KIF16B: variants seen among roughly 807,000 people sequenced by gnomAD.
The protein encoded by KIF16B is kinesin family member 16B.
In KIF16B, 98 loss-of-function variants were observed where a neutral mutation model predicts 156.3. The ratio of observed to expected loss-of-function variants is 0.63; its 90% CI spans 0.53 to 0.74. The LOEUF (loss-of-function observed/expected upper bound fraction) is 0.74, where lower values mean the gene tolerates loss of function less well. KIF16B is among the 30% of genes least tolerant of loss of function. The pLI, the probability that KIF16B is intolerant of heterozygous loss-of-function variation, is 0.00. For missense variants in KIF16B, 1,421 were observed against 1,606.5 expected, an observed-to-expected ratio of 0.88 and a Z score of 1.97; for synonymous variants, 564 against 583.7, an observed-to-expected ratio of 0.97 and a Z score of 0.49.
chr20:16,502,517 T>C (rs1185730258), intron 10 of KIF16B, among the ~76,000 whole-genome samples: 1 of 152,152 alleles, frequency 6.6e-6, no homozygotes, highest in Non-Finnish European at 1.5e-5. Context: ...TGAAATAGAC[T>C]TAACTGTCTT....
Position 16,504,354 on chromosome 20 carries a change from A to C in KIF16B, c.1176+18T>G, listed in dbSNP as rs1238656053. 4.3e-6 allele frequency: 7 copies of C among 1,611,498 alleles called. No homozygotes were observed. The highest frequency in any genetic ancestry group is 5.9e-6 in the Non-Finnish European group (7 of 1,178,244). On this transcript the variant is annotated intron_variant, in intron 10 of 25. Coordinates refer to ENST00000354981, the MANE Select transcript of KIF16B (RefSeq NM_024704.5). ...ATTACTCAAAGAAAATTATCCATAA[A>C]TCTCAGAAAAACCCAACCTGATTCC...
intron 22 of KIF16B, chr20:16,367,331 GT>G (rs746074408): frequency 1.3e-5 from 21 of 1,612,876 alleles, no homozygotes; most frequent in Non-Finnish European, 1.8e-5. Flanking sequence ...GAAGGTTTGA[GT>G]TTCTGTAAGA....
At chr20:16,544,260 C>A (rs1268334584) in intron 1 of KIF16B, among the ~76,000 whole-genome samples, 1 of 152,030 alleles carries the variant, frequency 6.6e-6, no homozygotes, top group African/African-American at 2.4e-5. Context: ...CATGCTGGTC[C>A]TTCTGCCTGG....
At chr20:16,491,233 C>A (rs2068280360) in intron 12 of KIF16B, among the ~76,000 whole-genome samples, 1 of 152,110 alleles carries the variant, frequency 6.6e-6, no homozygotes, top group African/African-American at 2.4e-5. Flanking sequence ...GTGCACACAC[C>A]AACCAGCAGC....
chr20:16,440,559 A>G (rs1255435840), intron 12 of KIF16B, among the ~76,000 whole-genome samples: 6 of 95,978 alleles, frequency 6.3e-5, no homozygotes, highest in Admixed American at 1.9e-4. Flanking sequence ...ACACACACAC[A>G]CACACACACA....
chr20:16,482,114 T>C (rs971861489), intron 12 of KIF16B, among the ~76,000 whole-genome samples: 4 of 152,128 alleles, frequency 2.6e-5, no homozygotes, highest in African/African-American at 9.7e-5. Context: ...CTTGGAAATA[T>C]CAGAATATCC....
chr20:16,379,349 C>A lies in KIF16B; in HGVS notation c.2653G>T (p.Val885Phe). 1 of 1,605,590 alleles carries A rather than the reference C, an allele frequency of 6.2e-7. No individual in the cohort carries two copies. The highest frequency in any genetic ancestry group is 2.2e-5 in the East Asian group (1 of 44,810). ...TCGAAATCTTGAGGCACTTCCGTGA[C>A]ATCTGTGACACTCTCATCATGTTTT... ...LEKHDESVTD[V>F]TEVPQDFEKI... Residue 885 changes from valine (V) to phenylalanine (F), a missense_variant, in exon 19 of 26, where the codon GTC becomes TTC. Physicochemically the swap from Val to Phe is conservative, Grantham distance 50. Coordinates refer to ENST00000354981, the MANE Select transcript of KIF16B (RefSeq NM_024704.5).
intron 23 of KIF16B, among the ~76,000 whole-genome samples, chr20:16,348,606 ACTAT>A (rs2064277577): frequency 6.6e-6 from 1 of 152,230 alleles, no homozygotes; most frequent in African/African-American, 2.4e-5. Flanking sequence ...AGTCTACCAT[ACTAT>A]CTGAGAACAT....
At chr20:16,287,723 A>G (rs889529686) in intron 25 of KIF16B, among the ~76,000 whole-genome samples, 1 of 152,336 alleles carries the variant, frequency 6.6e-6, no homozygotes, top group South Asian at 2.1e-4. Context: ...GATGACGATG[A>G]CCCAGCCTGG....
intron 15 of KIF16B, among the ~76,000 whole-genome samples, chr20:16,415,189 GAT>G (rs2066057183): frequency 6.6e-6 from 1 of 152,120 alleles, no homozygotes; most frequent in Non-Finnish European, 1.5e-5. Context: ...ATAGTCACAT[GAT>G]AAATTCCAAA....
At chr20:16,291,989 C>A (rs1362798974) in intron 25 of KIF16B, among the ~76,000 whole-genome samples, 1 of 152,126 alleles carries the variant, frequency 6.6e-6, no homozygotes, top group East Asian at 1.9e-4. Flanking sequence ...AAAGAAAAAT[C>A]CACTGAGAAA....
At chr20:16,448,876 C>CAGAGAGAG (rs138248990) in intron 12 of KIF16B, among the ~76,000 whole-genome samples, 6,260 of 145,348 alleles carry the variant, frequency 0.043, 139 homozygotes, top group Non-Finnish European at 0.049. Flanking sequence ...AGAAATATGA[C>CAGAGAGAG]AGAGAGAGAG....
At position 16,448,555 on chromosome 20, in the gene KIF16B, C is replaced by T. The variant is rs556242704; in HGVS notation, c.1303-18573G>A. Among the ~76,000 whole-genome samples, 13 of 152,270 alleles carry T rather than the reference C, an allele frequency of 8.5e-5. No homozygotes were observed. In the East Asian group the frequency reaches 2.5e-3, roughly 29 times the overall value. On this transcript the variant is annotated intron_variant, in intron 12 of 25. Transcript: ENST00000354981. ...TCCTGGGCCTGGACAGGCCACTCCTCAGCCAGGCAAAAGCAAAAGCAAACA... is the reference window on the plus strand; with the variant it reads ...TCCTGGGCCTGGACAGGCCACTCCTTAGCCAGGCAAAAGCAAAAGCAAACA...
At chr20:16,566,197 A>G (rs1372322623) in intron 1 of KIF16B, among the ~76,000 whole-genome samples, 2 of 152,200 alleles carry the variant, frequency 1.3e-5, no homozygotes, top group African/African-American at 2.4e-5. Flanking sequence ...GCCTTTTCCA[A>G]TTATAACCAT....
intron 14 of KIF16B, 36 bp from the exon 15 acceptor site, chr20:16,427,277 C>T (rs780533483): frequency 6.3e-7 from 1 of 1,577,008 alleles, no homozygotes; most frequent in Non-Finnish European, 8.6e-7. Context: ...GAATTTTTCC[C>T]CCTTTTCTAC....
intron 6 of KIF16B, among the ~76,000 whole-genome samples, chr20:16,510,627 C>T (rs926845880): frequency 3.9e-5 from 6 of 152,008 alleles, no homozygotes; most frequent in African/African-American, 4.8e-5. Context: ...CCAGCCTGGG[C>T]GACAGAGCAA....
intron 23 of KIF16B, among the ~76,000 whole-genome samples, chr20:16,339,673 T>C (rs1248098350): frequency 6.6e-6 from 1 of 152,210 alleles, no homozygotes; most frequent in Non-Finnish European, 1.5e-5. Context: ...TAAATGACAA[T>C]GCTATTCTTC....
At chr20:16,424,177 A>C (rs2066295542) in intron 15 of KIF16B, among the ~76,000 whole-genome samples, 1 of 151,972 alleles carries the variant, frequency 6.6e-6, no homozygotes, top group South Asian at 2.1e-4. Flanking sequence ...ACAATTGCTG[A>C]CCTTTGATCT....
chr20:16,367,348 A>C, intron 22 of KIF16B: 1 of 1,612,916 alleles, frequency 6.2e-7, no homozygotes, highest in East Asian at 2.2e-5. Context: ...TAAGAAGACT[A>C]GTTCTACTGT....
Sources: allele counts gnomAD v4.1 joint callset (sites outside exome capture counted in the v4.1 genomes callset), GRCh38; gene constraint gnomAD v4.1.1; transcripts MANE v1.5; gene names NCBI Gene and HGNC (gene_info 2026-07-23, HGNC 2026-07-21).